SERPINB10: variants seen among roughly 807,000 people sequenced by gnomAD.
SERPINB10 encodes the protein serpin B10.
In SERPINB10, 35 loss-of-function variants were observed where a neutral mutation model predicts 39.1. The ratio of observed to expected loss-of-function variants is 0.90; its 90% CI spans 0.68 to 1.19. SERPINB10 has a LOEUF of 1.19. Ranked by LOEUF, SERPINB10 falls within the 50% of genes most tolerant of loss-of-function variation. SERPINB10 has a pLI of 0.00. For synonymous variants in SERPINB10, 190 were observed against 158.1 expected (o/e 1.20, Z -1.52); for missense variants, 546 against 460.5 (o/e 1.19, Z -1.70).
chr18:63,910,929 C>A (rs1227126410), intron 1 of SERPINB10, among the ~76,000 whole-genome samples: 1 of 151,620 alleles, frequency 6.6e-6, no homozygotes, highest in Non-Finnish European at 1.5e-5. Context: ...ACAGTGTACC[C>A]TTTTCTCCAC....
At chr18:63,913,311 T>G (rs1354237951) in intron 1 of SERPINB10, among the ~76,000 whole-genome samples, 1 of 151,982 alleles carries the variant, frequency 6.6e-6, no homozygotes, top group African/African-American at 2.4e-5. Flanking sequence ...TTTTTTCTTT[T>G]GGAAGTTTTA....
Position 63,932,037 on chromosome 18 carries a change from C to T in SERPINB10, c.634-1011C>T, listed in dbSNP as rs143963985. ...GTAGCCTTTTGAGGCTGGCTCCATT[C>T]ACTATGAATTTAATGTTCCTCCATG... is the stretch of plus-strand genomic sequence containing the variant. On this transcript the variant is annotated intron_variant, in intron 6 of 7. Transcript: ENST00000238508. Among the ~76,000 whole-genome samples, 1,350 of 152,284 alleles carry T rather than the reference C, an allele frequency of 8.9e-3. 12 individuals are homozygous for T. Among genetic ancestry groups the T allele is most frequent in the South Asian group, 0.016 (79 of 4,826 alleles).
chr18:63,909,321 A>G (rs933241415), intron 1 of SERPINB10, among the ~76,000 whole-genome samples: 1 of 152,020 alleles, frequency 6.6e-6, no homozygotes, highest in Admixed American at 6.6e-5. Flanking sequence ...TAATTGTCCA[A>G]CATTTGTATG....
intron 3 of SERPINB10, 73 bp downstream of exon 3, chr18:63,917,594 A>G: frequency 1.2e-6 from 1 of 841,170 alleles, no homozygotes; most frequent in Non-Finnish European, 1.8e-6. Flanking sequence ...TTTAGTGATA[A>G]CTGAAGCAAC....
chr18:63,912,272 A>T (rs1240016745), intron 1 of SERPINB10, among the ~76,000 whole-genome samples: 1 of 151,826 alleles, frequency 6.6e-6, no homozygotes, highest in Non-Finnish European at 1.5e-5. Context: ...GGTGCCTTTT[A>T]TGTCTTTCTC....
intron 5 of SERPINB10, among the ~76,000 whole-genome samples, chr18:63,926,103 G>A (rs1275748006): frequency 1.3e-5 from 2 of 151,986 alleles, no homozygotes; most frequent in Non-Finnish European, 1.5e-5. Context: ...TGGGGGCTAG[G>A]TGTCAAAATC....
intron 1 of SERPINB10, among the ~76,000 whole-genome samples, chr18:63,908,678 TA>T (rs1183332502): frequency 2.0e-5 from 3 of 151,966 alleles, no homozygotes; most frequent in Admixed American, 1.3e-4. Flanking sequence ...TACCTGTTTC[TA>T]AAAAAGGCCT....
Position 63,935,006 on chromosome 18 carries a change from G to A in SERPINB10, c.958G>A (p.Ala320Thr). The change falls in exon 8 of 8, where the codon GCT (alanine) becomes ACT (threonine). Residue 320 changes from alanine (A) to threonine (T), a missense_variant. Coordinates refer to ENST00000238508, the MANE Select transcript of SERPINB10 (RefSeq NM_005024.3). Reference sequence around the variant, plus strand: ...GAGTGATGCCTTCAGCCAAAGCAAAGCTGATTTCTCAGGAATGTCTTCAGC... The same window carrying A: ...GAGTGATGCCTTCAGCCAAAGCAAAACTGATTTCTCAGGAATGTCTTCAGC... ...GMSDAFSQSK[A>T]DFSGMSSARN... 6.2e-7 allele frequency: 1 copy of A among 1,614,204 alleles called. No individual in the cohort carries two copies. The highest frequency in any genetic ancestry group is 1.3e-5 in the African/African-American group (1 of 75,054).
chr18:63,932,467 C>G (rs73480064), intron 6 of SERPINB10, among the ~76,000 whole-genome samples: 5,543 of 152,212 alleles, frequency 0.036, 358 homozygotes, highest in African/African-American at 0.13. Flanking sequence ...TTGCAATCTC[C>G]TAGTGACATA....
intron 4 of SERPINB10, 108 bp downstream of exon 4, chr18:63,918,210 G>A: frequency 8.6e-7 from 1 of 1,160,686 alleles, no homozygotes; most frequent in Non-Finnish European, 1.2e-6. Flanking sequence ...TCTTCATGTG[G>A]TCAGTACTTC....
chr18:63,913,469 T>C (rs750918876), intron 1 of SERPINB10, among the ~76,000 whole-genome samples: 2 of 152,050 alleles, frequency 1.3e-5, no homozygotes, highest in Non-Finnish European at 2.9e-5. Context: ...GACTTTGGTA[T>C]GTTATGTCTC....
chr18:63,930,393 C>G (rs1266118801), intron 6 of SERPINB10, among the ~76,000 whole-genome samples: 1 of 152,112 alleles, frequency 6.6e-6, no homozygotes, highest in African/African-American at 2.4e-5. Context: ...TACAATCACT[C>G]AGTCCTTGCC....
At chr18:63,923,832 G>A (rs1027457199) in intron 5 of SERPINB10, among the ~76,000 whole-genome samples, 4 of 151,372 alleles carry the variant, frequency 2.6e-5, no homozygotes, top group Non-Finnish European at 5.9e-5. Context: ...TCATTGCTTT[G>A]CCCTTCTGTT....
chr18:63,927,632 AG>A (rs149861907), intron 5 of SERPINB10, among the ~76,000 whole-genome samples: 40,481 of 151,970 alleles, frequency 0.27, 5,471 homozygotes, highest in Admixed American at 0.33. Flanking sequence ...CCTTTCCCAA[AG>A]GCCCCACCTG....
intron 5 of SERPINB10, among the ~76,000 whole-genome samples, chr18:63,922,022 T>C (rs1024762058): frequency 1.3e-5 from 2 of 151,902 alleles, no homozygotes; most frequent in Admixed American, 6.6e-5. Context: ...AAACCTTTAC[T>C]TTGACACTTA....
chr18:63,917,051 A>C (rs1043022163), intron 2 of SERPINB10, among the ~76,000 whole-genome samples: 23 of 151,912 alleles, frequency 1.5e-4, no homozygotes, highest in Non-Finnish European at 2.8e-4. Flanking sequence ...ACTAGAAAAA[A>C]AACAACTAAA....
chr18:63,917,171 C>T (rs181148059), intron 2 of SERPINB10, among the ~76,000 whole-genome samples: 71 of 151,982 alleles, frequency 4.7e-4, no homozygotes, highest in Admixed American at 4.1e-3. Flanking sequence ...AAAGGAAATA[C>T]GGAAAATAAG....
rs74169990 is a variant in SERPINB10, at chr18:63,929,712, CAAAA to C, written c.491-315_491-312del. The stretch of plus-strand genomic sequence containing the variant: ...AAATAAAAAATCTTTAGCTAAAGTG[CAAAA>C]AAAAAAAAAAAAAAAAAGAAAAAAA... On this transcript the variant is annotated intron_variant, in intron 5 of 7. Transcript: ENST00000238508. 9.1e-3 allele frequency among the ~76,000 whole-genome samples: 889 copies of C among 97,276 alleles called. 8 individuals are homozygous for C. Among genetic ancestry groups the C allele is most frequent in the African/African-American group, 0.025 (825 of 33,060 alleles). 63.8% of individuals were successfully genotyped at this position (97,276 alleles called of 152,430 possible).
At position 63,915,635 on chromosome 18, in the gene SERPINB10, T is replaced by C; in HGVS notation, c.125T>C (p.Val42Ala). 2 of 1,612,356 alleles carry C rather than the reference T, an allele frequency of 1.2e-6. No individual in the cohort carries two copies. Among genetic ancestry groups the C allele is most frequent in the Non-Finnish European group, 1.7e-6 (2 of 1,178,984 alleles). The part of the protein sequence containing the change: ...SWSISTSLTI[V>A]YLGAKGTTAA... ...AGCATCTCAACTTCCTTGACCATAG[T>C]GTATTTGGGCGCCAAAGGTACCACT... Residue 42 changes from valine (V) to alanine (A), a missense_variant, in exon 2 of 8, where the codon GTG (valine) becomes GCG (alanine). Val to Ala is a moderately conservative substitution (Grantham distance 64, BLOSUM62 0). Coordinates refer to ENST00000238508, the MANE Select transcript of SERPINB10 (RefSeq NM_005024.3).
Sources: allele counts gnomAD v4.1 joint callset (sites outside exome capture counted in the v4.1 genomes callset), GRCh38; gene constraint gnomAD v4.1.1; transcripts MANE v1.5; gene names NCBI Gene and HGNC (gene_info 2026-07-23, HGNC 2026-07-21).